TCP11L2: variants seen among roughly 807,000 people sequenced by gnomAD.
TCP11L2 encodes the protein T-complex protein 11-like protein 2.
A neutral mutation model predicts 50.7 loss-of-function variants in TCP11L2; 39 were observed. That is an observed-to-expected ratio of 0.77 (90% CI 0.60 to 1.01). The LOEUF is 1.01. Ranked by LOEUF, TCP11L2 falls within the 50% of genes least tolerant of loss-of-function variation. The pLI is 0.00. For missense variants in TCP11L2, 612 were observed against 614.7 expected (o/e 1.00, Z 0.05); for synonymous variants, 192 against 219.3 (o/e 0.88, Z 1.10).
intron 6 of TCP11L2, among the ~76,000 whole-genome samples, chr12:106,328,650 T>G (rs1308795263): frequency 6.6e-6 from 1 of 152,232 alleles, no homozygotes; most frequent in Non-Finnish European, 1.5e-5. Context: ...CAGCCTTCTT[T>G]GAATTTTTCA....
intron 6 of TCP11L2, chr12:106,329,273 C>T: frequency 2.0e-6 from 3 of 1,533,028 alleles, no homozygotes; most frequent in Non-Finnish European, 2.6e-6. Context: ...GAGTAGGTGC[C>T]CAGTGGTTTT....
At chr12:106,340,434 T>G (rs2036059730) in intron 8 of TCP11L2, among the ~76,000 whole-genome samples, 1 of 152,240 alleles carries the variant, frequency 6.6e-6, no homozygotes, top group Admixed American at 6.5e-5. Flanking sequence ...GAATTGAGTC[T>G]ACTTCATTTA....
In TCP11L2 at chr12:106,311,096, G is replaced by A. The variant is rs1202586728; in HGVS notation, c.21G>A (p.Lys7=). MPFNGE[K]QCVGEDQPSD... is the part of the protein sequence containing the mutation. ...GCAAAATGCCCTTCAATGGCGAGAA[G>A]CAGTGTGTGGGAGAGGACCAGCCAA... Residue 7 remains lysine (K), a synonymous_variant, in exon 2 of 10, where the codon AAG becomes AAA. Transcript: ENST00000299045. The A allele has an allele frequency of 1.2e-6, 2 of 1,614,194 alleles. No homozygotes were observed. Among genetic ancestry groups the A allele is most frequent in the South Asian group, 2.2e-5 (2 of 91,080 alleles).
At chr12:106,333,004 G>A (rs2035796704) in intron 6 of TCP11L2, among the ~76,000 whole-genome samples, 1 of 152,200 alleles carries the variant, frequency 6.6e-6, no homozygotes, top group South Asian at 2.1e-4. Flanking sequence ...TGACTACTGG[G>A]AGGTAACGTG....
At chr12:106,337,436 C>G (rs1476271561) in intron 8 of TCP11L2, among the ~76,000 whole-genome samples, 1 of 152,192 alleles carries the variant, frequency 6.6e-6, no homozygotes, top group East Asian at 1.9e-4. Flanking sequence ...ATTAATATTC[C>G]AGGACCAAGA....
intron 1 of TCP11L2, among the ~76,000 whole-genome samples, chr12:106,305,292 T>C (rs1045988845): frequency 6.6e-6 from 1 of 151,716 alleles, no homozygotes; most frequent in African/African-American, 2.4e-5. Context: ...AGTTATTGAG[T>C]GCTTATTACT....
intron 6 of TCP11L2, 37 bp from the exon 7 acceptor site, chr12:106,335,602 C>A: frequency 6.2e-7 from 1 of 1,600,128 alleles, no homozygotes; most frequent in South Asian, 1.1e-5. Flanking sequence ...AGGGATCAAT[C>A]AGCTGTAGAA....
At chr12:106,338,943 C>T (rs577491396) in intron 8 of TCP11L2, among the ~76,000 whole-genome samples, 52 of 152,324 alleles carry the variant, frequency 3.4e-4, no homozygotes, top group Middle Eastern at 3.4e-3. Context: ...GAGTTCAAGA[C>T]TAGTCTGCCC....
At chr12:106,308,520 T>C (rs1014983017) in intron 1 of TCP11L2, among the ~76,000 whole-genome samples, 3 of 152,214 alleles carry the variant, frequency 2.0e-5, no homozygotes, top group Admixed American at 6.5e-5. Flanking sequence ...GAAGCTCTTA[T>C]TCAATTTCAC....
intron 6 of TCP11L2, chr12:106,330,376 C>T (rs777794227): frequency 6.1e-5 from 56 of 915,844 alleles, no homozygotes; most frequent in Non-Finnish European, 7.0e-5. Flanking sequence ...TGCCACTGCC[C>T]CCGCCCCACA....
In TCP11L2 at chr12:106,314,468, A is replaced by C. The variant is rs1479273361; in HGVS notation, c.268A>C (p.Lys90Gln). Residue 90 changes from lysine to glutamine, a missense_variant, in exon 3 of 10, where the codon AAA (lysine) becomes CAA (glutamine). Lys to Gln is a moderately conservative substitution (Grantham distance 53). Coordinates refer to ENST00000299045, the MANE Select transcript of TCP11L2 (RefSeq NM_152772.3). ...TGCTGTAAATGAGAACTTTCAATTG[A>C]AACAAGAGGCTCTCCCAGAAAAGAG... is the stretch of plus-strand genomic sequence containing the variant. ...EIAVNENFQL[K>Q]QEALPEKSLA... The C allele has an allele frequency of 6.2e-7, 1 of 1,613,164 alleles. No homozygotes were observed. The highest frequency in any genetic ancestry group is 1.7e-5 in the Admixed American group (1 of 59,980).
chr12:106,331,766 A>G (rs548943262), intron 6 of TCP11L2, among the ~76,000 whole-genome samples: 9 of 152,318 alleles, frequency 5.9e-5, no homozygotes, highest in Admixed American at 1.3e-4. Flanking sequence ...ACGGCTCCCA[A>G]CTACTGCACC....
At chr12:106,319,822 CA>C (rs1297013126) in intron 4 of TCP11L2, among the ~76,000 whole-genome samples, 2 of 152,250 alleles carry the variant, frequency 1.3e-5, no homozygotes, top group African/African-American at 2.4e-5. Context: ...GCTCAGAGCG[CA>C]AGCTCTTAAG....
intron 9 of TCP11L2, among the ~76,000 whole-genome samples, chr12:106,343,068 AC>A (rs1180059170): frequency 6.6e-6 from 1 of 152,174 alleles, no homozygotes; most frequent in African/African-American, 2.4e-5. Flanking sequence ...TAAGTGACTC[AC>A]TTGAACGTCT....
chr12:106,322,765 C>T (rs1238375001), intron 5 of TCP11L2, among the ~76,000 whole-genome samples: 2 of 152,202 alleles, frequency 1.3e-5, no homozygotes, highest in African/African-American at 4.8e-5. Context: ...GGTTAATAGA[C>T]TCTCAAAGTG....
chr12:106,306,806 G>A (rs1532586), intron 1 of TCP11L2, among the ~76,000 whole-genome samples: 114,703 of 152,104 alleles, frequency 0.75, 44,715 homozygotes, highest in African/African-American at 0.94. Flanking sequence ...TACAAATGGC[G>A]AGTTCTCTGT....
Position 106,314,570 on chromosome 12 carries a change from T to TGAGAGA in TCP11L2, c.293+78_293+79insAGAGAG, listed in dbSNP as rs2035000793. ...GTGTGTGTGTGTGTGTGTGTGTGTG[T>TGAGAGA]GTGTGTGAGAGAGAGAGAGAGAGAG... On this transcript the variant is annotated intron_variant, in intron 3 of 9. Coordinates refer to ENST00000299045, the MANE Select transcript of TCP11L2 (RefSeq NM_152772.3). The TGAGAGA allele has an allele frequency of 4.1e-6, 4 of 976,036 alleles. No homozygotes were observed. The South Asian group carries it at 4.8e-5, about 12-fold the overall frequency. The allele number at this position is 976,036 out of a possible 1,614,324, so 60.5% of individuals were successfully genotyped here.
chr12:106,339,668 G>A (rs1430999697), intron 8 of TCP11L2, among the ~76,000 whole-genome samples: 1 of 152,266 alleles, frequency 6.6e-6, no homozygotes, highest in East Asian at 1.9e-4. Flanking sequence ...AAGGAGTCCA[G>A]TATCAATTTT....
chr12:106,343,075 C>T (rs111519216), intron 9 of TCP11L2, among the ~76,000 whole-genome samples: 8 of 152,282 alleles, frequency 5.3e-5, no homozygotes, highest in African/African-American at 1.2e-4. Context: ...CTCACTTGAA[C>T]GTCTCTTCTT....
Sources: gnomAD v4.1 joint callset for allele counts (sites outside exome capture counted in the v4.1 genomes callset) on GRCh38, gnomAD v4.1.1 for gene constraint, MANE v1.5 for transcripts, NCBI Gene and HGNC (gene_info 2026-07-23, HGNC 2026-07-21) for gene names.